LOC128092252: variants seen among roughly 807,000 people sequenced by gnomAD.
At chr15:50,670,578 G>A in the LOC128092252 span, among the ~76,000 whole-genome samples, 6 of 151,996 alleles carry the variant, frequency 3.9e-5, no homozygotes, top group African/African-American at 1.5e-4. Context: ...ACATTCAGAA[G>A]TTACCCTATA....
the LOC128092252 span, among the ~76,000 whole-genome samples, chr15:50,681,347 A>G: frequency 6.6e-6 from 1 of 151,948 alleles, no homozygotes; most frequent in Non-Finnish European, 1.5e-5. Context: ...CTAATGCAAA[A>G]ATGTGCCTAA....
At chr15:50,649,437 CAA>C in the LOC128092252 span, among the ~76,000 whole-genome samples, 22 of 92,730 alleles carry the variant, frequency 2.4e-4, no homozygotes, top group Non-Finnish European at 2.6e-4. Flanking sequence ...GACCCCAACT[CAA>C]AAAAAAAAAA....
the LOC128092252 span, among the ~76,000 whole-genome samples, chr15:50,672,061 T>C: frequency 6.8e-6 from 1 of 148,038 alleles, no homozygotes; most frequent in African/African-American, 2.7e-5. Context: ...GGTTGGTTTT[T>C]GTTTTTGTTT....
chr15:50,666,546 G>A, the LOC128092252 span, among the ~76,000 whole-genome samples: 2 of 152,064 alleles, frequency 1.3e-5, no homozygotes, highest in Admixed American at 6.6e-5. Context: ...GCTTATACCT[G>A]TAATCCCAGC....
At chr15:50,654,810 A>G in the LOC128092252 span, among the ~76,000 whole-genome samples, 1 of 145,634 alleles carries the variant, frequency 6.9e-6, no homozygotes, top group African/African-American at 2.5e-5. Context: ...ATCCTGGCTA[A>G]TAAGGTGAAA....
the LOC128092252 span, among the ~76,000 whole-genome samples, chr15:50,661,816 A>G: frequency 2.6e-5 from 4 of 152,258 alleles, no homozygotes; most frequent in Non-Finnish European, 5.9e-5. Context: ...ACTTTTGTCA[A>G]TTAATTTTCA....
At chr15:50,686,665 C>T in the LOC128092252 span, 14 of 1,235,424 alleles carry the variant, frequency 1.1e-5, no homozygotes, top group Non-Finnish European at 1.6e-5. Context: ...CCAGGGAAAC[C>T]TTCTCAGAAC....
At chr15:50,665,236 A>G in the LOC128092252 span, among the ~76,000 whole-genome samples, 1 of 152,040 alleles carries the variant, frequency 6.6e-6, no homozygotes, top group East Asian at 1.9e-4. Context: ...CGTCTCTACT[A>G]AAAGTACAAA....
the LOC128092252 span, among the ~76,000 whole-genome samples, chr15:50,679,541 T>A: frequency 4.4e-4 from 31 of 70,746 alleles, 1 homozygote; most frequent in South Asian, 7.5e-3. Flanking sequence ...TATATATATT[T>A]TTTTTTTTTT....
chr15:50,665,128 G>A, the LOC128092252 span, among the ~76,000 whole-genome samples: 2 of 152,038 alleles, frequency 1.3e-5, no homozygotes, highest in East Asian at 3.9e-4. Context: ...CATGGGTCAG[G>A]CCCAGTGGCT....
At chr15:50,652,500 T>G in the LOC128092252 span, among the ~76,000 whole-genome samples, 1 of 146,928 alleles carries the variant, frequency 6.8e-6, no homozygotes, top group South Asian at 2.1e-4. Flanking sequence ...CACTCCAGCC[T>G]GGACAATACA....
chr15:50,680,790 C>T, the LOC128092252 span, among the ~76,000 whole-genome samples: 5 of 152,218 alleles, frequency 3.3e-5, no homozygotes, highest in South Asian at 2.1e-4. Context: ...ATATACATGT[C>T]CCTGAATATC....
At chr15:50,653,280 G>A in the LOC128092252 span, among the ~76,000 whole-genome samples, 3 of 152,290 alleles carry the variant, frequency 2.0e-5, no homozygotes, top group South Asian at 4.1e-4. Flanking sequence ...GTGAGACCCC[G>A]TTCTCCACAA....
the LOC128092252 span, among the ~76,000 whole-genome samples, chr15:50,682,152 C>CA: frequency 1.4e-5 from 1 of 71,778 alleles, no homozygotes; most frequent in Non-Finnish European, 2.6e-5. Context: ...CAAGCCTGGG[C>CA]AAAAGAGCAA....
chr15:50,678,515 AAAATATAT>A, the LOC128092252 span, among the ~76,000 whole-genome samples: 3 of 82,796 alleles, frequency 3.6e-5, no homozygotes, highest in African/African-American at 4.1e-5. Context: ...TTAAAAAAAA[AAAATATAT>A]ATATATATAT....
the LOC128092252 span, among the ~76,000 whole-genome samples, chr15:50,678,930 A>G: frequency 3.3e-5 from 5 of 152,190 alleles, no homozygotes; most frequent in East Asian, 7.7e-4. Context: ...CTGGAGTGCA[A>G]TGGCGTGATC....
chr15:50,661,301 C>A, the LOC128092252 span, among the ~76,000 whole-genome samples: 718 of 152,162 alleles, frequency 4.7e-3, 2 homozygotes, highest in Non-Finnish European at 7.3e-3. Flanking sequence ...TATAAAATAT[C>A]TGTAGTATGA....
At chr15:50,670,959 A>G in the LOC128092252 span, among the ~76,000 whole-genome samples, 3 of 152,126 alleles carry the variant, frequency 2.0e-5, no homozygotes, top group Non-Finnish European at 2.9e-5. Context: ...AGATTGCTGG[A>G]GCTCAGGAAT....
the LOC128092252 span, among the ~76,000 whole-genome samples, chr15:50,679,189 A>G: frequency 2.5e-4 from 34 of 135,180 alleles, 2 homozygotes; most frequent in African/African-American, 6.9e-4. Flanking sequence ...TTTTTTAATT[A>G]GCCAGGTTGG....
Sources: gnomAD v4.1 joint callset for allele counts (sites outside exome capture counted in the v4.1 genomes callset) on GRCh38, gnomAD v4.1.1 for gene constraint, MANE v1.5 for transcripts.